Variants in CPLANE1 observed in about 807,000 individuals in gnomAD.
CPLANE1 encodes the protein ciliogenesis and planar polarity effector 1.
In CPLANE1, 263 loss-of-function variants were observed where a neutral mutation model predicts 362.5. The ratio of observed to expected loss-of-function variants is 0.73; its 90% CI spans 0.66 to 0.80. The LOEUF (loss-of-function observed/expected upper bound fraction) is 0.80, where lower values mean the gene tolerates loss of function less well. Ranked by LOEUF, CPLANE1 falls within the 30% of genes least tolerant of loss-of-function variation. The pLI, the probability that CPLANE1 is intolerant of heterozygous loss-of-function variation, is 0.00. For synonymous variants in CPLANE1, 1,212 were observed against 1,302.6 expected (o/e 0.93, Z 1.50); for missense variants, 3,461 against 3,793.4 (o/e 0.91, Z 2.30).
chr5:37,132,151 T>C (rs1041581082), intron 46 of CPLANE1, among the ~76,000 whole-genome samples: 1 of 152,048 alleles, frequency 6.6e-6, no homozygotes, highest in Non-Finnish European at 1.5e-5. Flanking sequence ...AAATAGAAAT[T>C]AGTGGAATCC....
the CPLANE1 span, among the ~76,000 whole-genome samples, chr5:37,091,239 A>T: frequency 6.6e-6 from 1 of 152,176 alleles, no homozygotes; most frequent in Admixed American, 6.5e-5. Context: ...AGATATGTAC[A>T]TGTATCCGTT....
At chr5:37,235,459 T>C (rs1798749502) in intron 8 of CPLANE1, among the ~76,000 whole-genome samples, 2 of 151,710 alleles carry the variant, frequency 1.3e-5, no homozygotes, top group Admixed American at 1.3e-4. Context: ...ATGCAATCTC[T>C]ATCAAATTAC....
intron 16 of CPLANE1, chr5:37,211,485 A>G: frequency 7.2e-7 from 1 of 1,379,838 alleles, no homozygotes; most frequent in Non-Finnish European, 1.0e-6. Flanking sequence ...GGGCACACTT[A>G]AAGAAGAAAG....
chr5:37,156,685 C>T (rs1245726696), intron 41 of CPLANE1, among the ~76,000 whole-genome samples: 3 of 151,898 alleles, frequency 2.0e-5, no homozygotes, highest in African/African-American at 7.3e-5. Flanking sequence ...CAAAAAGTTA[C>T]CATAATGCAA....
At chr5:37,237,574 C>G (rs780661704) in intron 8 of CPLANE1, among the ~76,000 whole-genome samples, 1 of 152,200 alleles carries the variant, frequency 6.6e-6, no homozygotes, top group Non-Finnish European at 1.5e-5. Context: ...TGGCCAGGCA[C>G]GGTGGCTTAC....
At chr5:37,179,318 A>C (rs1193665650) in intron 29 of CPLANE1, 43 bp downstream of exon 29, 1 of 1,240,752 alleles carries the variant, frequency 8.1e-7, no homozygotes, top group Non-Finnish European at 1.2e-6. Context: ...AACACTATAC[A>C]AAATGAAAGA....
intron 15 of CPLANE1, among the ~76,000 whole-genome samples, chr5:37,214,336 A>G (rs1292031867): frequency 1.3e-5 from 2 of 152,102 alleles, no homozygotes; most frequent in Non-Finnish European, 2.9e-5. Context: ...TTAGCTGGGC[A>G]TGGTTGTGCG....
At chr5:37,184,168 T>C (rs1783378136) in intron 25 of CPLANE1, among the ~76,000 whole-genome samples, 1 of 152,214 alleles carries the variant, frequency 6.6e-6, no homozygotes, top group Admixed American at 6.5e-5. Flanking sequence ...TTTTTTGTTT[T>C]ACCACACAAA....
the CPLANE1 span, chr5:37,085,812 A>G: frequency 7.0e-7 from 1 of 1,423,346 alleles, no homozygotes; most frequent in Non-Finnish European, 9.9e-7. Flanking sequence ...ATTGCTGAAG[A>G]GAGAGACAAA....
rs1800016724 is a variant in CPLANE1 at position 37,240,140 on chromosome 5, C to T, written c.678-271G>A. Among the ~76,000 whole-genome samples the T allele has an allele frequency of 2.0e-5, 3 of 152,030 alleles. No homozygotes were observed. In the South Asian group the frequency reaches 6.2e-4, roughly 32 times the overall value. ...GCAGAGACGGGTGGATCACTTGAGG[C>T]CAGGAGTCTGAGACCAGCCTAGCCA... On this transcript the variant is annotated intron_variant, in intron 6 of 52. Coordinates refer to ENST00000651892, the MANE Select transcript of CPLANE1 (RefSeq NM_001384732.1).
chr5:37,104,993 T>A (rs301907), downstream of CPLANE1, among the ~76,000 whole-genome samples: 2 of 151,884 alleles, frequency 1.3e-5, no homozygotes, highest in Non-Finnish European at 2.9e-5. Context: ...CACAGACCAA[T>A]AGAATAGAAT....
intron 42 of CPLANE1, among the ~76,000 whole-genome samples, chr5:37,152,129 A>G (rs953831413): frequency 5.9e-5 from 9 of 152,180 alleles, no homozygotes; most frequent in Non-Finnish European, 8.8e-5. Context: ...TGGAATTCTT[A>G]TCCTGCAGAC....
the CPLANE1 span, chr5:37,085,367 C>A: frequency 7.4e-7 from 1 of 1,347,188 alleles, no homozygotes; most frequent in Non-Finnish European, 1.1e-6. Flanking sequence ...TCTATGACAC[C>A]AAGGGTCGCT....
At chr5:37,156,101 T>C (rs571838025) in intron 41 of CPLANE1, among the ~76,000 whole-genome samples, 3 of 152,348 alleles carry the variant, frequency 2.0e-5, no homozygotes, top group Admixed American at 2.0e-4. Flanking sequence ...TTGCTCCTCA[T>C]GTCTCCTGAG....
chr5:37,168,863 G>C lies in CPLANE1; in HGVS notation c.7161C>G (p.Ile2387Met), dbSNP rs777957964. The C allele has an allele frequency of 2.5e-6, 4 of 1,614,024 alleles. No individual in the cohort carries two copies. The East Asian group carries it at 8.9e-5, about 36-fold the overall frequency. Residue 2387 changes from isoleucine (I) to methionine (M), a missense_variant, in exon 34 of 53, where the codon ATC (isoleucine) becomes ATG (methionine). Physicochemically the swap from Ile to Met is conservative, Grantham distance 10. Transcript: ENST00000651892. ...RASITVPSTP[I>M]QPIAEERKYP... The stretch of plus-strand genomic sequence containing the variant: ...ATTTTCTTTCTTCTGCTATAGGTTG[G>C]ATAGGTGTTGAGGGAACTGTAATAG...
At position 37,138,884 on chromosome 5, in the gene CPLANE1, A is replaced by C. The variant is rs370691944; in HGVS notation, c.8664-36T>G. The C allele has an allele frequency of 1.5e-5, 23 of 1,574,526 alleles. No homozygotes were observed. The African/African-American group carries it at 2.9e-4, about 20-fold the overall frequency. On this transcript the variant is annotated intron_variant, in intron 45 of 52. Transcript: ENST00000651892. ...AAATGTAATTTAAGAAATATAAATC[A>C]GTATCTACAACTTAATTACATTAAG... is the stretch of plus-strand genomic sequence containing the variant.
chr5:37,083,129 G>T, the CPLANE1 span, among the ~76,000 whole-genome samples: 1 of 152,134 alleles, frequency 6.6e-6, no homozygotes, highest in Non-Finnish European at 1.5e-5. Context: ...CCCCAGTACC[G>T]GCCTGGAGCC....
In CPLANE1 at chr5:37,227,757, A is replaced by G; in HGVS notation, c.1182T>C (p.Ser394=). 1 of 1,550,964 alleles carries G rather than the reference A, an allele frequency of 6.4e-7. No individual in the cohort carries two copies. The highest frequency in any genetic ancestry group is 8.7e-7 in the Non-Finnish European group (1 of 1,146,364). The change falls in exon 10 of 53, where the codon AGT becomes AGC. Residue 394 remains serine (S), a synonymous_variant. Transcript: ENST00000651892. ...NNSVDSSASD[S]DPMRQRFSIK... is the part of the protein sequence containing the mutation. ...TAGAAAATCTCTGTCTCATAGGGTC[A>G]CTATCAGAAGCTGATGAATCAACAG... is the stretch of plus-strand genomic sequence containing the variant.
chr5:37,138,927 CAAAT>C, intron 45 of CPLANE1, 79 bp from the exon 46 acceptor site: 1 of 1,188,604 alleles, frequency 8.4e-7, no homozygotes, highest in East Asian at 2.4e-5. Flanking sequence ...AAACATGTAA[CAAAT>C]GAACACAAAA....
Sources: gnomAD v4.1 joint callset for allele counts (sites outside exome capture counted in the v4.1 genomes callset) on GRCh38, gnomAD v4.1.1 for gene constraint, MANE v1.5 for transcripts, NCBI Gene and HGNC (gene_info 2026-07-23, HGNC 2026-07-21) for gene names.